ZMYM2: variants seen among roughly 807,000 people sequenced by gnomAD.
ZMYM2 encodes the protein zinc finger MYM-type containing 2, also known as zinc finger MYM-type protein 2.
Under a neutral mutation model 162.8 loss-of-function variants are expected in ZMYM2, and 56 were observed. The observed-to-expected ratio is 0.34, with a 90% CI of 0.28 to 0.43. The LOEUF (loss-of-function observed/expected upper bound fraction) is 0.43, where lower values mean the gene tolerates loss of function less well. Among genes scored for constraint, ZMYM2 ranks in the 20% least tolerant of loss-of-function variants. The probability of loss-of-function intolerance (pLI) is 1.00; values close to 1 mark genes in which losing one functional copy is unlikely to be tolerated. For missense variants in ZMYM2, 1,275 were observed against 1,621.8 expected, an observed-to-expected ratio of 0.79 and a Z score of 3.67; for synonymous variants, 510 against 541.6, an observed-to-expected ratio of 0.94 and a Z score of 0.81.
chr13:20,060,065 A>G (rs1956114415), intron 16 of ZMYM2, among the ~76,000 whole-genome samples: 1 of 152,158 alleles, frequency 6.6e-6, no homozygotes, highest in Non-Finnish European at 1.5e-5. Context: ...TTATTTGAGG[A>G]TGTGAAATCT....
chr13:19,912,291 G>GT, the ZMYM2 span, among the ~76,000 whole-genome samples: 5 of 116,314 alleles, frequency 4.3e-5, no homozygotes, highest in South Asian at 2.7e-4. Context: ...CTGTTTTTTG[G>GT]GTTTTTTTTT....
chr13:20,075,704 GAGACAGAGTCTCTATCGC>G (rs1957445692), intron 21 of ZMYM2, among the ~76,000 whole-genome samples: 1 of 55,598 alleles, frequency 1.8e-5, no homozygotes, highest in Non-Finnish European at 3.0e-5. Context: ...TTTTTTTTTG[GAGACAGAGTCTCTATCGC>G]CCAGGCTGGA....
the ZMYM2 span, among the ~76,000 whole-genome samples, chr13:19,882,216 A>C: frequency 6.6e-6 from 1 of 152,162 alleles, no homozygotes; most frequent in African/African-American, 2.4e-5. Context: ...ATCCCAGGGA[A>C]TTACTAAGAA....
At chr13:20,062,070 A>G (rs1053435910) in intron 17 of ZMYM2, among the ~76,000 whole-genome samples, 4 of 152,158 alleles carry the variant, frequency 2.6e-5, no homozygotes, top group Non-Finnish European at 5.9e-5. Context: ...CCAAAGTCCT[A>G]TTTCAACCTT....
chr13:20,018,398 T>C (rs987241679), intron 6 of ZMYM2, among the ~76,000 whole-genome samples: 25 of 152,226 alleles, frequency 1.6e-4, no homozygotes, highest in African/African-American at 5.8e-4. Context: ...TGGATGTGTT[T>C]GGAGACAACT....
chr13:19,961,888 C>T (rs1470343110), intron 2 of ZMYM2, among the ~76,000 whole-genome samples: 2 of 152,178 alleles, frequency 1.3e-5, no homozygotes, highest in African/African-American at 4.8e-5. Flanking sequence ...TTTTATTATA[C>T]AGTAGGAACA....
the ZMYM2 span, among the ~76,000 whole-genome samples, chr13:19,919,849 A>AT: frequency 6.6e-6 from 1 of 151,498 alleles, no homozygotes. Flanking sequence ...CGATTTTTGT[A>AT]TTTTTAGTAG....
At chr13:19,992,982 C>T (rs1949744740) in intron 2 of ZMYM2, 81 bp from the exon 3 acceptor site, 1 of 1,406,196 alleles carries the variant, frequency 7.1e-7, no homozygotes, top group Non-Finnish European at 9.5e-7. Context: ...AATAAAAGTA[C>T]CCTTTAAATC....
At chr13:19,968,908 TA>T (rs1029274853) in intron 2 of ZMYM2, among the ~76,000 whole-genome samples, 1 of 152,192 alleles carries the variant, frequency 6.6e-6, no homozygotes, top group Admixed American at 6.5e-5. Context: ...GGTAGTCATA[TA>T]AATGAGTAAA....
At chr13:19,885,927 GTGTATACACATATATA>G in the ZMYM2 span, among the ~76,000 whole-genome samples, 1 of 97,518 alleles carries the variant, frequency 1.0e-5, no homozygotes, top group Non-Finnish European at 2.1e-5. Flanking sequence ...ACATATATAT[GTGTATACACATATATA>G]TGTATATACA....
intron 6 of ZMYM2, among the ~76,000 whole-genome samples, chr13:20,018,691 A>C (rs1435635024): frequency 6.6e-6 from 1 of 152,208 alleles, no homozygotes; most frequent in Non-Finnish European, 1.5e-5. Flanking sequence ...ACTTTCATGG[A>C]AAGCAGGAAG....
At chr13:19,897,752 A>G in the ZMYM2 span, among the ~76,000 whole-genome samples, 1 of 152,086 alleles carries the variant, frequency 6.6e-6, no homozygotes, top group South Asian at 2.1e-4. Context: ...TGATATGTGT[A>G]TATATTATAT....
At chr13:20,000,810 TCTTA>T (rs1191156110) in intron 3 of ZMYM2, among the ~76,000 whole-genome samples, 40 of 152,228 alleles carry the variant, frequency 2.6e-4, no homozygotes, top group Admixed American at 2.0e-4. Context: ...GACTTTTAAG[TCTTA>T]CTATTTAAGA....
rs145314162 is a variant in ZMYM2 at position 20,079,516 on chromosome 13, A to G, written c.3454-2500A>G. Among the ~76,000 whole-genome samples the G allele has an allele frequency of 2.0e-3, 302 of 151,958 alleles. 1 individual carries two copies. The highest frequency in any genetic ancestry group is 6.9e-3 in the African/African-American group (285 of 41,442). On this transcript the variant is annotated intron_variant, in intron 21 of 24. Transcript: ENST00000610343. ...CACAGGATTTCTTCTGTAGATTCTC[A>G]TTGGTTGCAAGGGCTTTGGTGCTAA...
At chr13:19,969,789 A>C (rs369711591) in intron 2 of ZMYM2, among the ~76,000 whole-genome samples, 1 of 151,748 alleles carries the variant, frequency 6.6e-6, no homozygotes, top group Non-Finnish European at 1.5e-5. Flanking sequence ...CTGATACTCT[A>C]TGCTCTGTAT....
the ZMYM2 span, chr13:19,865,108 A>G: frequency 1.3e-5 from 2 of 152,256 alleles, no homozygotes; most frequent in Non-Finnish European, 2.9e-5. Flanking sequence ...TTCAATGAAA[A>G]TCAGACGTTA....
At chr13:20,051,349 C>A in intron 12 of ZMYM2, 84 bp from the exon 13 acceptor site, 6 of 1,347,738 alleles carry the variant, frequency 4.5e-6, no homozygotes, top group Non-Finnish European at 3.0e-6. Context: ...ACGGTTTTAT[C>A]ACATTTGGCA....
chr13:20,014,762 G>GGTT (rs373247397), intron 6 of ZMYM2, among the ~76,000 whole-genome samples: 1 of 92,832 alleles, frequency 1.1e-5, no homozygotes, highest in Admixed American at 1.4e-4. Context: ...TTTACTTTAG[G>GGTT]TTTTTTTTTT....
chr13:19,959,031 C>T (rs1269600488), intron 1 of ZMYM2, among the ~76,000 whole-genome samples, 190 bp downstream of exon 1: 1 of 151,824 alleles, frequency 6.6e-6, no homozygotes, highest in Non-Finnish European at 1.5e-5. Flanking sequence ...GTCGCCGCTG[C>T]CGCGTCGGGG....
Sources: allele counts gnomAD v4.1 joint callset (sites outside exome capture counted in the v4.1 genomes callset), GRCh38; gene constraint gnomAD v4.1.1; transcripts MANE v1.5; gene names NCBI Gene and HGNC (gene_info 2026-07-23, HGNC 2026-07-21).